Variants in HMCN1 observed in about 807,000 individuals in gnomAD.
The protein encoded by HMCN1 is hemicentin 1, also known as hemicentin-1.
A neutral mutation model predicts 625.9 loss-of-function variants in HMCN1; 321 were observed. The ratio of observed to expected loss-of-function variants is 0.51; its 90% confidence interval spans 0.47 to 0.56. The LOEUF is 0.56. Among genes scored for constraint, HMCN1 ranks in the 20% least tolerant of loss-of-function variants. The pLI, the probability that HMCN1 is intolerant of heterozygous loss-of-function variation, is 0.00. For synonymous variants in HMCN1, 2,425 were observed against 2,417.6 expected, an observed-to-expected ratio of 1.00 and a Z score of -0.09; for missense variants, 6,588 against 6,887.3, an observed-to-expected ratio of 0.96 and a Z score of 1.54.
At chr1:185,906,205 A>G (rs1018385521) in intron 4 of HMCN1, among the ~76,000 whole-genome samples, 4 of 151,838 alleles carry the variant, frequency 2.6e-5, no homozygotes, top group Non-Finnish European at 4.4e-5. Flanking sequence ...GCAGTGATCT[A>G]CTTTTATTCA....
intron 100 of HMCN1, 90 bp downstream of exon 100, chr1:186,167,032 T>C: frequency 6.5e-7 from 1 of 1,526,886 alleles, no homozygotes; most frequent in Non-Finnish European, 9.1e-7. Context: ...TCTCAGAAAC[T>C]CCACGAGGAA....
intron 68 of HMCN1, among the ~76,000 whole-genome samples, chr1:186,096,908 A>G (rs550233878): frequency 1.3e-5 from 2 of 152,242 alleles, no homozygotes; most frequent in Admixed American, 6.5e-5. Context: ...AATAAAGACT[A>G]TTTATGATAA....
chr1:185,954,382 A>C (rs1036400455), intron 11 of HMCN1, among the ~76,000 whole-genome samples: 2 of 152,168 alleles, frequency 1.3e-5, no homozygotes, highest in Admixed American at 1.3e-4. Flanking sequence ...CTTAACAGTA[A>C]ATATTAATCA....
At chr1:185,973,921 A>ACT (rs1651014910) in intron 15 of HMCN1, among the ~76,000 whole-genome samples, 2 of 152,170 alleles carry the variant, frequency 1.3e-5, no homozygotes, top group South Asian at 2.1e-4. Context: ...CAGTCATTTT[A>ACT]GGAAAGAAAA....
At chr1:186,099,496 T>C (rs2102433793) in intron 68 of HMCN1, among the ~76,000 whole-genome samples, 1 of 152,234 alleles carries the variant, frequency 6.6e-6, no homozygotes, top group South Asian at 2.1e-4. Context: ...ATCATTTAAC[T>C]ATAATTATGA....
At chr1:185,842,234 A>G (rs754533400) in intron 1 of HMCN1, among the ~76,000 whole-genome samples, 1 of 152,200 alleles carries the variant, frequency 6.6e-6, no homozygotes, top group Non-Finnish European at 1.5e-5. Context: ...AACTGCAAAT[A>G]GTAGGTGTTC....
At chr1:186,009,309 G>C (rs1653837474) in intron 30 of HMCN1, among the ~76,000 whole-genome samples, 1 of 152,130 alleles carries the variant, frequency 6.6e-6, no homozygotes, top group African/African-American at 2.4e-5. Context: ...CCAGAAAAGA[G>C]GGCTCTATAA....
At chr1:186,026,887 G>A (rs548556394) in intron 36 of HMCN1, among the ~76,000 whole-genome samples, 69 of 151,504 alleles carry the variant, frequency 4.6e-4, no homozygotes, top group Non-Finnish European at 8.1e-4. Flanking sequence ...TGCCGACCTC[G>A]GCCTCCCAAA....
At chr1:186,143,343 T>C (rs1366050571) in intron 89 of HMCN1, among the ~76,000 whole-genome samples, 1 of 152,242 alleles carries the variant, frequency 6.6e-6, no homozygotes, top group African/African-American at 2.4e-5. Context: ...ATGTACTTTA[T>C]GAGCTCCATA....
chr1:186,145,659 A>C, intron 92 of HMCN1, 86 bp downstream of exon 92: 1 of 1,611,570 alleles, frequency 6.2e-7, no homozygotes, highest in Non-Finnish European at 8.5e-7. Context: ...CAGACCTTAA[A>C]ATGAAAGTTG....
intron 4 of HMCN1, among the ~76,000 whole-genome samples, chr1:185,866,672 C>G (rs1663264582): frequency 1.3e-5 from 2 of 151,962 alleles, no homozygotes; most frequent in African/African-American, 4.8e-5. Flanking sequence ...TCCCAAAGTG[C>G]TGGGATTACA....
intron 11 of HMCN1, among the ~76,000 whole-genome samples, chr1:185,941,021 C>T (rs1053923731): frequency 1.3e-5 from 2 of 152,106 alleles, no homozygotes; most frequent in Non-Finnish European, 2.9e-5. Flanking sequence ...CTTGGCCTCC[C>T]AAGGTGTGTA....
intron 23 of HMCN1, 70 bp downstream of exon 23, chr1:185,993,379 ATTT>A (rs1652570628): frequency 5.1e-6 from 8 of 1,570,456 alleles, no homozygotes; most frequent in Non-Finnish European, 7.0e-6. Context: ...ATCCTAGTTT[ATTT>A]GATAGTTAAT....
intron 11 of HMCN1, among the ~76,000 whole-genome samples, chr1:185,943,435 T>C (rs1668181178): frequency 1.3e-5 from 2 of 152,196 alleles, no homozygotes; most frequent in Non-Finnish European, 2.9e-5. Context: ...GCTTGGTGTG[T>C]AAGGAAATAC....
At position 185,984,231 on chromosome 1, in the gene HMCN1, G is replaced by T. The variant is rs761753309; in HGVS notation, c.2853G>T (p.Gln951His). The T allele has an allele frequency of 3.1e-6, 5 of 1,613,292 alleles. No individual in the cohort carries two copies. The highest frequency in any genetic ancestry group is 4.2e-6 in the Non-Finnish European group (5 of 1,179,476). The change falls in exon 19 of 107, where the codon CAG becomes CAT. Residue 951 changes from glutamine to histidine, a missense_variant. This residue lies in a region of HMCN1 where 4,628 missense variants were observed against 4,853.1 expected (regional missense o/e 0.95). Coordinates refer to ENST00000271588, the MANE Select transcript of HMCN1 (RefSeq NM_031935.3). ...GGAGCCTCCATATTGAAAGAGTTCA[G>T]CTTCAGGATGGTGGTGAATATACTT... ...SDGSLHIERV[Q>H]LQDGGEYTCV... is the part of the protein sequence containing the mutation.
intron 97 of HMCN1, among the ~76,000 whole-genome samples, chr1:186,163,025 G>T (rs1571444455): frequency 6.6e-6 from 1 of 152,234 alleles, no homozygotes. Flanking sequence ...GCCTACAGAG[G>T]CAGGCAGGCG....
At chr1:185,851,999 T>C (rs1276600795) in intron 2 of HMCN1, among the ~76,000 whole-genome samples, 2 of 151,992 alleles carry the variant, frequency 1.3e-5, no homozygotes, top group Non-Finnish European at 2.9e-5. Context: ...TGATTAAAAA[T>C]ATCTGGAAAA....
intron 7 of HMCN1, 92 bp downstream of exon 7, chr1:185,922,591 T>C (rs1365613516): frequency 8.2e-7 from 1 of 1,219,550 alleles, no homozygotes; most frequent in Non-Finnish European, 1.2e-6. Context: ...TTTTGTAGTA[T>C]TCAATAAAAT....
chr1:185,822,589 A>G (rs1660260262), intron 1 of HMCN1, among the ~76,000 whole-genome samples: 1 of 152,148 alleles, frequency 6.6e-6, no homozygotes, highest in Non-Finnish European at 1.5e-5. Context: ...TATGACTTCT[A>G]AGAGCGCATT....
Sources: allele counts gnomAD v4.1 joint callset (sites outside exome capture counted in the v4.1 genomes callset), GRCh38; gene constraint gnomAD v4.1.1; regional missense constraint gnomAD v4.1.1; transcripts MANE v1.5; gene names NCBI Gene and HGNC (gene_info 2026-07-23, HGNC 2026-07-21).